Variants in SCN1A observed in about 807,000 individuals in gnomAD.
SCN1A encodes the protein sodium channel protein type 1 subunit alpha.
A neutral mutation model predicts 193.7 loss-of-function variants in SCN1A; 13 were observed. That is an observed-to-expected ratio of 0.07 (90% CI 0.04 to 0.11). The LOEUF (loss-of-function observed/expected upper bound fraction) is 0.11. SCN1A is among the 10% of genes least tolerant of loss of function. SCN1A has a pLI of 1.00. For missense variants in SCN1A, 1,432 were observed against 2,451.1 expected (o/e 0.58, Z 8.78); for synonymous variants, 781 against 843.6 (o/e 0.93, Z 1.29).
At chr2:166,122,990 T>C (rs1266900768) in intron 2 of SCN1A, among the ~76,000 whole-genome samples, 1 of 151,920 alleles carries the variant, frequency 6.6e-6, no homozygotes, top group African/African-American at 2.4e-5. Flanking sequence ...AAATGTCAGG[T>C]TGATTCTAAG....
intron 2 of SCN1A, among the ~76,000 whole-genome samples, chr2:166,119,939 T>C (rs969007652): frequency 6.6e-6 from 1 of 151,708 alleles, no homozygotes; most frequent in Admixed American, 6.6e-5. Flanking sequence ...TTTTGAACTT[T>C]ATTTTAAGAA....
chr2:166,061,077 A>G (rs1683257422), intron 4 of SCN1A, among the ~76,000 whole-genome samples: 1 of 152,158 alleles, frequency 6.6e-6, no homozygotes, highest in East Asian at 1.9e-4. Context: ...TGTGAGGATA[A>G]TCAAGATGGT....
chr2:166,122,706 C>T (rs1309206184), intron 2 of SCN1A, among the ~76,000 whole-genome samples: 15 of 152,150 alleles, frequency 9.9e-5, no homozygotes, highest in East Asian at 7.7e-4. Flanking sequence ...CCCTACCTCA[C>T]ATTATATGCA....
At chr2:166,008,013 G>C (rs1445872391) in intron 23 of SCN1A, among the ~76,000 whole-genome samples, 1 of 151,220 alleles carries the variant, frequency 6.6e-6, no homozygotes, top group Non-Finnish European at 1.5e-5. Flanking sequence ...TCATTTTAGT[G>C]CTGTGTGTAT....
At chr2:166,001,799 C>G (rs1690887542) in intron 24 of SCN1A, among the ~76,000 whole-genome samples, 1 of 149,586 alleles carries the variant, frequency 6.7e-6, no homozygotes, top group South Asian at 2.1e-4. Flanking sequence ...AATAATGGTG[C>G]TGAAAGGTCA....
intron 2 of SCN1A, among the ~76,000 whole-genome samples, chr2:166,114,318 A>T (rs913767507): frequency 2.6e-5 from 4 of 152,160 alleles, no homozygotes; most frequent in African/African-American, 9.7e-5. Context: ...AACTAGCCCA[A>T]ATGGGTTCAT....
intron 21 of SCN1A, among the ~76,000 whole-genome samples, chr2:166,012,580 T>G (rs1692645667): frequency 6.7e-6 from 1 of 149,762 alleles, no homozygotes; most frequent in Non-Finnish European, 1.5e-5. Flanking sequence ...ATGTATTCCT[T>G]TTGTTTCATT....
At chr2:166,080,312 G>C (rs1207332319) in intron 2 of SCN1A, among the ~76,000 whole-genome samples, 1 of 151,764 alleles carries the variant, frequency 6.6e-6, no homozygotes, top group Non-Finnish European at 1.5e-5. Flanking sequence ...ACATAGAGGA[G>C]ACCTTGCTCC....
chr2:166,025,555 TA>T (rs1256524780), intron 19 of SCN1A, among the ~76,000 whole-genome samples: 1 of 152,154 alleles, frequency 6.6e-6, no homozygotes, highest in Admixed American at 6.5e-5. Flanking sequence ...GTAATGTAAT[TA>T]AAGGGTGATA....
Position 166,058,792 on chromosome 2 carries a change from G to A in SCN1A, c.265-104C>T, listed in dbSNP as rs1699381776. The A allele has an allele frequency of 8.1e-6, 6 of 737,924 alleles. No individual in the cohort carries two copies. In the South Asian group the frequency reaches 9.1e-5, roughly 11 times the overall value. The allele number at this position is 737,924 out of a possible 1,614,324, so 45.7% of individuals were successfully genotyped here. A position where few individuals can be genotyped will look rare whatever the true frequency, so the allele number is the denominator to read the frequency against. On this transcript the variant is annotated intron_variant, in intron 4 of 28. Coordinates refer to ENST00000674923, the MANE Select transcript of SCN1A (RefSeq NM_001165963.4). ...ATAATAAATTATTGTAAAGTTAAAT[G>A]AGAAACCAGCACAATCACAATTTCT... is the stretch of plus-strand genomic sequence containing the variant.
intron 4 of SCN1A, among the ~76,000 whole-genome samples, chr2:166,066,479 C>A (rs1312149920): frequency 2.6e-5 from 4 of 152,016 alleles, no homozygotes; most frequent in Admixed American, 6.6e-5. Context: ...CATGTCAATG[C>A]CCTTAGTGAA....
In SCN1A at chr2:165,992,388, G is replaced by A. The variant is rs587780445; in HGVS notation, c.4887C>T (p.Phe1629=). Reference sequence around the variant, plus strand: ...TCACTCGGAACAGGGTAGGGGACACGAAATACTTTTCTATCAGCTCGGCAA... The same window carrying A: ...TCACTCGGAACAGGGTAGGGGACACAAAATACTTTTCTATCAGCTCGGCAA... ...MFLAELIEKY[F]VSPTLFRVIR... The change falls in exon 29 of 29, where the codon TTC becomes TTT. Residue 1629 remains phenylalanine, a synonymous_variant. Transcript: ENST00000674923. This position sits in a 1 kb window ranked among gnomAD's most constrained non-coding sequence, Gnocchi z 6.5. 169 of 1,613,478 alleles carry A rather than the reference G, an allele frequency of 1.0e-4. No homozygotes were observed. Among genetic ancestry groups the A allele is most frequent in the Admixed American group, 1.5e-4 (9 of 59,928 alleles).
At chr2:166,023,187 A>C (rs1377681829) in intron 19 of SCN1A, among the ~76,000 whole-genome samples, 1 of 152,280 alleles carries the variant, frequency 6.6e-6, no homozygotes. Context: ...AAAATGATCC[A>C]TATATGGAGT....
intron 4 of SCN1A, among the ~76,000 whole-genome samples, chr2:166,070,982 A>G (rs1254362034): frequency 6.6e-6 from 1 of 152,182 alleles, no homozygotes; most frequent in Non-Finnish European, 1.5e-5. Context: ...GCTACCAAAG[A>G]GGTGAGGACC....
chr2:166,118,736 C>T (rs1690194779), intron 2 of SCN1A, among the ~76,000 whole-genome samples: 1 of 152,150 alleles, frequency 6.6e-6, no homozygotes, highest in South Asian at 2.1e-4. Flanking sequence ...TTCAAATCCA[C>T]TGAATTTCTT....
intron 4 of SCN1A, among the ~76,000 whole-genome samples, chr2:166,059,195 C>T (rs372261891): frequency 1.1e-4 from 17 of 152,190 alleles, no homozygotes; most frequent in South Asian, 4.1e-4. Context: ...TCACTCTCTT[C>T]GTAATAGAAA....
chr2:166,024,370 T>C (rs1042681302), intron 19 of SCN1A, among the ~76,000 whole-genome samples: 11 of 152,220 alleles, frequency 7.2e-5, no homozygotes, highest in African/African-American at 2.7e-4. Flanking sequence ...CTATTAGCTG[T>C]ATATGAAATA....
At chr2:166,036,755 C>T (rs1229820348) in intron 18 of SCN1A, among the ~76,000 whole-genome samples, 1 of 152,124 alleles carries the variant, frequency 6.6e-6, no homozygotes, top group African/African-American at 2.4e-5. Context: ...CTCAAGTTCT[C>T]CCATTCGTAA....
At chr2:166,102,388 CAG>C (rs1688183449) in intron 2 of SCN1A, among the ~76,000 whole-genome samples, 1 of 150,982 alleles carries the variant, frequency 6.6e-6, no homozygotes, top group African/African-American at 2.4e-5. Context: ...CCCAGCTACT[CAG>C]GAGGCTGAGG....
Sources: allele counts gnomAD v4.1 joint callset (sites outside exome capture counted in the v4.1 genomes callset), GRCh38; gene constraint gnomAD v4.1.1; non-coding constraint Gnocchi (gnomAD v3.1); transcripts MANE v1.5; gene names NCBI Gene and HGNC (gene_info 2026-07-23, HGNC 2026-07-21).